EVC2: variants seen among roughly 807,000 people sequenced by gnomAD.
The protein encoded by EVC2 is EvC ciliary complex subunit 2, also known as limbin.
Under a neutral mutation model 149.3 loss-of-function variants are expected in EVC2, and 148 were observed. The ratio of observed to expected loss-of-function variants is 0.99; its 90% CI spans 0.87 to 1.14. EVC2 has a LOEUF of 1.14. Among genes scored for constraint, EVC2 ranks in the 50% most tolerant of loss-of-function variants. The pLI, the probability that EVC2 is intolerant of heterozygous loss-of-function variation, is 0.00. For synonymous variants in EVC2, 776 were observed against 649.9 expected, an observed-to-expected ratio of 1.19 and a Z score of -2.95; for missense variants, 1,854 against 1,627.3, an observed-to-expected ratio of 1.14 and a Z score of -2.40.
Position 5,567,929 on chromosome 4 carries a change from C to T in EVC2, c.3557+515G>A, listed in dbSNP as rs1040805597. Among the ~76,000 whole-genome samples the T allele has an allele frequency of 6.6e-6, 1 of 152,138 alleles. No homozygotes were observed. The highest frequency in any genetic ancestry group is 2.4e-5 in the African/African-American group (1 of 41,418). ...TTACATAGGGGGATGTTTGCATGAG[C>T]GTTAAAAGGTAAGGAGCAAAATCGC... is the stretch of plus-strand genomic sequence containing the variant. On this transcript the variant is annotated intron_variant, in intron 20 of 21. Coordinates refer to ENST00000344408, the MANE Select transcript of EVC2 (RefSeq NM_147127.5). The surrounding 1 kb of genome is among the most constrained non-coding windows in gnomAD (Gnocchi z 4.4).
At chr4:5,694,620 A>C in intron 2 of EVC2, 119 bp from the exon 3 acceptor site, 1 of 1,114,540 alleles carries the variant, frequency 9.0e-7, no homozygotes, top group Non-Finnish European at 1.3e-6. Context: ...TTTGTTGGGT[A>C]AGTAAGTTAA....
At chr4:5,685,526 C>A (rs1374418452) in intron 5 of EVC2, 47 bp from the exon 6 acceptor site, 2 of 1,532,236 alleles carry the variant, frequency 1.3e-6, no homozygotes, top group Admixed American at 3.4e-5. Context: ...TTGGCCACGC[C>A]CCCGGCTGCA....
At chr4:5,605,037 A>G (rs10023002) in intron 16 of EVC2, among the ~76,000 whole-genome samples, 15,103 of 152,042 alleles carry the variant, frequency 0.099, 1,467 homozygotes, top group African/African-American at 0.25. Context: ...TGAACAGTAA[A>G]TATACTTTCT....
At chr4:5,570,446 A>G (rs1489669997) in intron 19 of EVC2, among the ~76,000 whole-genome samples, 1 of 152,200 alleles carries the variant, frequency 6.6e-6, no homozygotes, top group African/African-American at 2.4e-5. Flanking sequence ...TGGTGACACA[A>G]AAAGCATTCA....
intron 9 of EVC2, among the ~76,000 whole-genome samples, chr4:5,652,918 G>A (rs1295581304): frequency 6.6e-6 from 1 of 152,152 alleles, no homozygotes; most frequent in Non-Finnish European, 1.5e-5. Flanking sequence ...AGATGGCTTA[G>A]AACAACAAAC....
chr4:5,565,202 C>A, intron 21 of EVC2, 56 bp downstream of exon 21: 1 of 1,563,500 alleles, frequency 6.4e-7, no homozygotes, highest in Non-Finnish European at 8.8e-7. Context: ...CAGCCTGGCC[C>A]ACAGGCAGCT....
chr4:5,547,626 A>T (rs1484659777), intron 21 of EVC2, among the ~76,000 whole-genome samples: 3 of 152,284 alleles, frequency 2.0e-5, no homozygotes, highest in East Asian at 1.9e-4. Context: ...AGCTGCAGAG[A>T]GGAGCTACCC....
Position 5,694,381 on chromosome 4 carries a change from G to C in EVC2, c.404C>G (p.Pro135Arg), listed in dbSNP as rs1721327233. ...HSLFAFIPSW[P>R]KKNLFKRESP... ...CTCTCTTTTAAATAAGTTCTTCTTAGGCCAGGAGGGTATAAAAGCAAATAA... is the reference window on the plus strand; with the variant it reads ...CTCTCTTTTAAATAAGTTCTTCTTACGCCAGGAGGGTATAAAAGCAAATAA... The change falls in exon 3 of 22, where the codon CCT (proline) becomes CGT (arginine). Residue 135 changes from proline (P) to arginine (R), a missense_variant. Coordinates refer to ENST00000344408, the MANE Select transcript of EVC2 (RefSeq NM_147127.5). 1 of 1,614,020 alleles carries C rather than the reference G, an allele frequency of 6.2e-7. No individual in the cohort carries two copies. Among genetic ancestry groups the C allele is most frequent in the South Asian group, 1.1e-5 (1 of 91,080 alleles).
intron 7 of EVC2, among the ~76,000 whole-genome samples, chr4:5,676,892 G>T (rs753154432): frequency 2.6e-5 from 4 of 152,040 alleles, no homozygotes; most frequent in Non-Finnish European, 5.9e-5. Flanking sequence ...GGGATGGTGG[G>T]TGACAGGCAA....
downstream of EVC2, among the ~76,000 whole-genome samples, chr4:5,539,736 A>T (rs1025125009): frequency 3.7e-4 from 56 of 152,104 alleles, no homozygotes; most frequent in African/African-American, 1.3e-3. Context: ...AAACAAAGAG[A>T]AAGGAACTTT....
Position 5,703,662 on chromosome 4 carries a change from T to C in EVC2, c.228+4624A>G, listed in dbSNP as rs537503334. On this transcript the variant is annotated intron_variant, in intron 1 of 21. Transcript: ENST00000344408. ...TTTTGATCACCTACTATGTGCTATT[T>C]TGAAAATGAGGATACGTTGACAAAC... Among the ~76,000 whole-genome samples the C allele has an allele frequency of 9.2e-5, 14 of 152,298 alleles. No homozygotes were observed. In the South Asian group the frequency reaches 2.5e-3, roughly 27 times the overall value.
chr4:5,665,457 G>C (rs902672171), intron 8 of EVC2, 58 bp downstream of exon 8: 7 of 1,612,248 alleles, frequency 4.3e-6, no homozygotes, highest in African/African-American at 1.3e-5. Flanking sequence ...ACAGAACTGG[G>C]GGATGAACTT....
At chr4:5,601,195 C>A (rs1166334088) in intron 16 of EVC2, among the ~76,000 whole-genome samples, 1 of 152,050 alleles carries the variant, frequency 6.6e-6, no homozygotes, top group Admixed American at 6.5e-5. Context: ...CCTTATTATC[C>A]CACTCTTAAA....
chr4:5,684,738 C>T (rs1303247087), intron 6 of EVC2, among the ~76,000 whole-genome samples: 1 of 152,090 alleles, frequency 6.6e-6, no homozygotes, highest in Non-Finnish European at 1.5e-5. Context: ...AAGTCCAGTG[C>T]CCTAGGATGG....
chr4:5,683,227 T>C (rs1054874435), intron 6 of EVC2, among the ~76,000 whole-genome samples: 1 of 152,210 alleles, frequency 6.6e-6, no homozygotes, highest in Admixed American at 6.5e-5. Context: ...TTGAGTTACC[T>C]CTGCTTTGGA....
chr4:5,630,015 C>T lies in EVC2; in HGVS notation c.1711-1281G>A, dbSNP rs59273181. Reference sequence around the variant, plus strand: ...GTGCTCTGGCATTGAGAGTCAGCCACTGCTCATCATGAGAGTAAAATGATA... The same window carrying T: ...GTGCTCTGGCATTGAGAGTCAGCCATTGCTCATCATGAGAGTAAAATGATA... On this transcript the variant is annotated intron_variant, in intron 11 of 21. Transcript: ENST00000344408. Among the ~76,000 whole-genome samples, 817 of 152,362 alleles carry T rather than the reference C, an allele frequency of 5.4e-3. 12 individuals are homozygous for T. The highest frequency in any genetic ancestry group is 0.017 in the African/African-American group (724 of 41,582).
At chr4:5,582,780 A>G (rs1711917856) in intron 17 of EVC2, among the ~76,000 whole-genome samples, 1 of 152,190 alleles carries the variant, frequency 6.6e-6, no homozygotes, top group African/African-American at 2.4e-5. Flanking sequence ...GGGGTCCTTC[A>G]TGAATTGTTC....
rs765163729 is a variant in EVC2, at chr4:5,637,264, T to C, written c.1470+3250A>G. On this transcript the variant is annotated intron_variant, in intron 10 of 21. Transcript: ENST00000344408. The surrounding 1 kb of genome is among the most constrained non-coding windows in gnomAD (Gnocchi z 4.4). Reference sequence around the variant, plus strand: ...AGGTGCCCCACAGGACGGGTTCACATGGGGCGCACAGCAGGGGGACGTAAC... The same window carrying C: ...AGGTGCCCCACAGGACGGGTTCACACGGGGCGCACAGCAGGGGGACGTAAC... Among the ~76,000 whole-genome samples, 8 of 152,158 alleles carry C rather than the reference T, an allele frequency of 5.3e-5. No homozygotes were observed. The highest frequency in any genetic ancestry group is 1.2e-4 in the Non-Finnish European group (8 of 68,026).
At chr4:5,565,830 C>T (rs1441954358) in intron 20 of EVC2, among the ~76,000 whole-genome samples, 4 of 152,224 alleles carry the variant, frequency 2.6e-5, no homozygotes, top group African/African-American at 9.6e-5. Flanking sequence ...CCTTCTGCAG[C>T]CTCATCAAGA....
Sources: gnomAD v4.1 joint callset for allele counts (sites outside exome capture counted in the v4.1 genomes callset) on GRCh38, gnomAD v4.1.1 for gene constraint, Gnocchi (gnomAD v3.1) non-coding constraint, MANE v1.5 for transcripts, NCBI Gene and HGNC (gene_info 2026-07-23, HGNC 2026-07-21) for gene names.